Variants in C17orf113 observed in about 807,000 individuals in gnomAD.
C17orf113 encodes uncharacterized protein C17orf113.
C17orf113 carries 5 observed loss-of-function variants against 11.6 expected under a neutral mutation model. That is an observed-to-expected ratio of 0.43 (90% CI 0.23 to 0.91). The LOEUF is 0.91. Among genes scored for constraint, C17orf113 ranks in the 40% least tolerant of loss-of-function variants. The pLI, the probability that C17orf113 is intolerant of heterozygous loss-of-function variation, is 0.26. For missense variants in C17orf113, 714 were observed against 841.3 expected, an observed-to-expected ratio of 0.85 and a Z score of 1.87; for synonymous variants, 327 against 390.6, an observed-to-expected ratio of 0.84 and a Z score of 1.92.
rs2143652585 is a variant in C17orf113 at position 42,041,173 on chromosome 17, A to C, written c.560T>G (p.Val187Gly). The change falls in exon 3 of 3, where the codon GTC becomes GGC. Residue 187 changes from valine (V) to glycine (G), a missense_variant. This residue lies in a region of C17orf113 where 516 missense variants were observed against 626.6 expected (regional missense o/e 0.82). Transcript: ENST00000587304. ...GCGCTGGCAGGCCTCTGTGTGCAAG[A>C]CACTGGCAATGGCCACCTGGGACAG... ...VRDMQVAIAS[V>G]LHTEACQRLK... is the part of the protein sequence containing the mutation. 1 of 1,232,486 alleles carries C rather than the reference A, an allele frequency of 8.1e-7. No homozygotes were observed. The highest frequency in any genetic ancestry group is 1.0e-6 in the Non-Finnish European group (1 of 988,188). 76.3% of individuals were successfully genotyped at this position (1,232,486 alleles called of 1,614,324 possible).
chr17:42,039,871 C>T lies in C17orf113; in HGVS notation c.1862G>A (p.Arg621Gln), dbSNP rs1186566537. 32 of 1,229,344 alleles carry T rather than the reference C, an allele frequency of 2.6e-5. No individual in the cohort carries two copies. The highest frequency in any genetic ancestry group is 6.2e-5 in the African/African-American group (4 of 64,292). 76.2% of individuals were successfully genotyped at this position (1,229,344 alleles called of 1,614,324 possible). The change falls in exon 3 of 3, where the codon CGG (arginine) becomes CAG (glutamine). Residue 621 changes from arginine (R) to glutamine (Q), a missense_variant. By Grantham distance (43) the Arg-to-Gln change is conservative. Transcript: ENST00000587304. ...ACTCTGCCCCCACCACCGCAGCTCC[C>T]GGCTGCGGCCGACCTTGTCCAGCAG... Reference protein sequence around the residue: ...AGLLDKVGRSRELRWWGQSGA... With the variant: ...AGLLDKVGRSQELRWWGQSGA...
chr17:42,040,754 G>C lies in C17orf113; in HGVS notation c.979C>G (p.Pro327Ala), dbSNP rs1356669801. Residue 327 changes from proline (P) to alanine (A), a missense_variant, in exon 3 of 3, where the codon CCT becomes GCT. Coordinates refer to ENST00000587304, the MANE Select transcript of C17orf113 (RefSeq NM_001358661.2). ...LDALFRLHGG[P>A]SSHLVPELRA... is the part of the protein sequence containing the mutation. ...AGCTCAGGGACCAAGTGGGAACTAG[G>C]GCCACCATGGAGGCGGAATAGGGCA... The C allele has an allele frequency of 8.1e-7, 1 of 1,232,396 alleles. No individual in the cohort carries two copies. The highest frequency in any genetic ancestry group is 1.0e-6 in the Non-Finnish European group (1 of 988,130). The allele number at this position is 1,232,396 out of a possible 1,614,324, so 76.3% of individuals were successfully genotyped here.
chr17:42,044,672 A>C (rs1326204867), intron 1 of C17orf113, among the ~76,000 whole-genome samples: 3 of 152,036 alleles, frequency 2.0e-5, no homozygotes, highest in Admixed American at 2.0e-4. Flanking sequence ...TTTCCAAGAC[A>C]CAGGAAGATT....
rs149429564 is a variant in C17orf113 at position 42,043,560 on chromosome 17, G to A, written c.-184C>T. ...GAGTTTATTCCTGCTCTGCCGGTGG[G>A]AGACTGGAGATGAAAGAGACAGGCA... On this transcript the variant is annotated 5_prime_UTR_variant, in exon 2 of 3. Transcript: ENST00000587304. The A allele has an allele frequency of 1.5e-4, 66 of 432,392 alleles. No homozygotes were observed. The highest frequency in any genetic ancestry group is 5.4e-5 in the Non-Finnish European group (14 of 259,202). The allele number at this position is 432,392 out of a possible 1,614,324, so 26.8% of individuals were successfully genotyped here.
chr17:42,049,012 G>T (rs558146669), intron 1 of C17orf113, among the ~76,000 whole-genome samples: 59 of 151,622 alleles, frequency 3.9e-4, no homozygotes, highest in Non-Finnish European at 6.6e-4. Flanking sequence ...GCCAGTGCCA[G>T]AATTCCTTTG....
In C17orf113 at chr17:42,039,573, C is replaced by T. The variant is rs574977179; in HGVS notation, c.*132G>A. On this transcript the variant is annotated 3_prime_UTR_variant, in exon 3 of 3. Transcript: ENST00000587304. ...GGGTTGGTGGGAAGCTCCAGAAGGG[C>T]GGGTGGATGGCCTCAGGCCCCTGGG... The T allele has an allele frequency of 6.8e-5, 56 of 829,430 alleles. No homozygotes were observed. In the African/African-American group the frequency reaches 8.5e-4, roughly 13 times the overall value. 51.4% of individuals were successfully genotyped at this position (829,430 alleles called of 1,614,324 possible).
chr17:42,040,477 T>C lies in C17orf113; in HGVS notation c.1256A>G (p.Gln419Arg). 8.1e-7 allele frequency: 1 copy of C among 1,232,236 alleles called. No homozygotes were observed. Among genetic ancestry groups the C allele is most frequent in the Non-Finnish European group, 1.0e-6 (1 of 988,034 alleles). 76.3% of individuals were successfully genotyped at this position (1,232,236 alleles called of 1,614,324 possible). ...CAAGGCCAAGTCCGGCTCTTCTGCC[T>C]GCAGGACAAGGGAGAGCTTCTGCAC... ...PSVQKLSLVL[Q>R]AEEPDLALLQ... Residue 419 changes from glutamine (Q) to arginine (R), a missense_variant, in exon 3 of 3, where the codon CAG becomes CGG. Coordinates refer to ENST00000587304, the MANE Select transcript of C17orf113 (RefSeq NM_001358661.2).
At chr17:42,048,941 CA>C (rs59106537) in intron 1 of C17orf113, among the ~76,000 whole-genome samples, 8,656 of 144,532 alleles carry the variant, frequency 0.06, 667 homozygotes, top group African/African-American at 0.19. Context: ...GACTCCATCT[CA>C]AAAAAAAAAA....
chr17:42,046,147 T>G (rs1232367433), intron 1 of C17orf113, among the ~76,000 whole-genome samples: 6 of 152,168 alleles, frequency 3.9e-5, no homozygotes, highest in Non-Finnish European at 8.8e-5. Flanking sequence ...TGCGTGAGTC[T>G]TCATGACACA....
At position 42,039,278 on chromosome 17, in the gene C17orf113, A is replaced by G. The variant is rs1555655786; in HGVS notation, c.*427T>C. On this transcript the variant is annotated 3_prime_UTR_variant, in exon 3 of 3. Transcript: ENST00000587304. ...AAAAAGAAAAAAAAAGAAAAGAAAAAGAAAGAAACAGCCAAGGACCAAGGA... is the reference window on the plus strand; with the variant it reads ...AAAAAGAAAAAAAAAGAAAAGAAAAGGAAAGAAACAGCCAAGGACCAAGGA... The G allele has an allele frequency of 6.1e-6, 1 of 164,182 alleles. No individual in the cohort carries two copies. Among genetic ancestry groups the G allele is most frequent in the African/African-American group, 2.4e-5 (1 of 41,918 alleles). 10.2% of individuals were successfully genotyped at this position (164,182 alleles called of 1,614,324 possible). A position where few individuals can be genotyped will look rare whatever the true frequency, so the allele number is the denominator to read the frequency against.
At position 42,040,229 on chromosome 17, in the gene C17orf113, G is replaced by C. The variant is rs1357181713; in HGVS notation, c.1504C>G (p.Leu502Val). 9.7e-6 allele frequency: 12 copies of C among 1,231,588 alleles called. No individual in the cohort carries two copies. The highest frequency in any genetic ancestry group is 3.1e-4 in the Middle Eastern group (1 of 3,208). The allele number at this position is 1,231,588 out of a possible 1,614,324, so 76.3% of individuals were successfully genotyped here. The change falls in exon 3 of 3, where the codon CTA (leucine) becomes GTA (valine). Residue 502 changes from leucine (L) to valine (V), a missense_variant. Leu to Val is a conservative substitution (Grantham distance 32). Coordinates refer to ENST00000587304, the MANE Select transcript of C17orf113 (RefSeq NM_001358661.2). Reference protein sequence around the residue: ...GSFLDSMRKGLQDSYPGPSLD... With the variant: ...GSFLDSMRKGVQDSYPGPSLD... ...GAAGGCCCGGGGTAGGAGTCCTGTA[G>C]GCCCTTCCGCATGGAGTCCAGGAAG...
rs782010333 is a variant in C17orf113, at chr17:42,043,217, G to A, written c.160C>T (p.Arg54Trp). ...FCLECRQALV[R>W]NKHGKAENAF... ...TTTTCGGCTTTGCCATGCTTGTTCC[G>A]TACCAGGGCCTGGCGGCACTCGAGG... The change falls in exon 2 of 3, where the codon CGG (arginine) becomes TGG (tryptophan). Residue 54 changes from arginine to tryptophan, a missense_variant. Transcript: ENST00000587304. 4.9e-6 allele frequency: 6 copies of A among 1,232,132 alleles called. No individual in the cohort carries two copies. In the East Asian group the frequency reaches 9.5e-5, roughly 19 times the overall value. 76.3% of individuals were successfully genotyped at this position (1,232,132 alleles called of 1,614,324 possible).
At chr17:42,042,419 G>A (rs2053045987) in intron 2 of C17orf113, among the ~76,000 whole-genome samples, 1 of 152,126 alleles carries the variant, frequency 6.6e-6, no homozygotes, top group African/African-American at 2.4e-5. Flanking sequence ...CTAATAGGGA[G>A]GCTGAGGCAG....
intron 1 of C17orf113, among the ~76,000 whole-genome samples, chr17:42,044,909 C>T (rs2053118045): frequency 7.3e-6 from 1 of 137,814 alleles, no homozygotes; most frequent in East Asian, 2.2e-4. Flanking sequence ...CAAAACCTGC[C>T]AACTCTACCT....
intron 2 of C17orf113, among the ~76,000 whole-genome samples, chr17:42,042,432 G>A (rs2053046454): frequency 6.6e-6 from 1 of 151,872 alleles, no homozygotes; most frequent in Non-Finnish European, 1.5e-5. Context: ...TGAGGCAGGA[G>A]AATCACTTGA....
chr17:42,042,358 C>T (rs1216797255), intron 2 of C17orf113, among the ~76,000 whole-genome samples: 1 of 152,122 alleles, frequency 6.6e-6, no homozygotes, highest in African/African-American at 2.4e-5. Flanking sequence ...CCCGTCTCTA[C>T]TAAAAATACA....
chr17:42,042,535 A>T (rs1377836699), intron 2 of C17orf113, among the ~76,000 whole-genome samples: 2 of 151,968 alleles, frequency 1.3e-5, no homozygotes, highest in Admixed American at 6.6e-5. Flanking sequence ...AAAAAAAAAA[A>T]TTAAATACAT....
chr17:42,044,168 C>T (rs1346308661), intron 1 of C17orf113, among the ~76,000 whole-genome samples: 6 of 123,140 alleles, frequency 4.9e-5, no homozygotes. Flanking sequence ...AAAAAATTAG[C>T]CAGGCATGGT....
chr17:42,043,506 C>CTGTTA lies in C17orf113; in HGVS notation c.-131_-130insTAACA, dbSNP rs2053078358. 2 of 685,418 alleles carry CTGTTA rather than the reference C, an allele frequency of 2.9e-6. No homozygotes were observed. Among genetic ancestry groups the CTGTTA allele is most frequent in the Non-Finnish European group, 4.1e-6 (2 of 489,570 alleles). The allele number at this position is 685,418 out of a possible 1,614,324, so 42.5% of individuals were successfully genotyped here. On this transcript the variant is annotated 5_prime_UTR_variant, in exon 2 of 3. It removes the in-frame stop codon of an upstream open reading frame in the 5' UTR. Coordinates refer to ENST00000587304, the MANE Select transcript of C17orf113 (RefSeq NM_001358661.2). ...GGCAGGCTGGGGGCAGCCCGCCAGG[C>CTGTTA]TAACAGGGCCCATCCATCTAAGCCT...
Sources: allele counts gnomAD v4.1 joint callset (sites outside exome capture counted in the v4.1 genomes callset), GRCh38; gene constraint gnomAD v4.1.1; regional missense constraint gnomAD v4.1.1; transcripts MANE v1.5; gene names NCBI Gene and HGNC (gene_info 2026-07-23, HGNC 2026-07-21).